ARPP21: variants seen among roughly 807,000 people sequenced by gnomAD.
ARPP21 encodes the protein cAMP regulated phosphoprotein 21.
A neutral mutation model predicts 113.2 loss-of-function variants in ARPP21; 69 were observed. That is an observed-to-expected ratio of 0.61 (90% CI 0.50 to 0.74). The LOEUF (loss-of-function observed/expected upper bound fraction) is 0.74. Among genes scored for constraint, ARPP21 ranks in the 30% least tolerant of loss-of-function variants. The pLI is 0.00. For synonymous variants in ARPP21, 368 were observed against 375.5 expected, an observed-to-expected ratio of 0.98 and a Z score of 0.23; for missense variants, 1,070 against 1,037.4, an observed-to-expected ratio of 1.03 and a Z score of -0.43.
chr3:35,649,995 T>C (rs534762395), intron 1 of ARPP21, among the ~76,000 whole-genome samples: 1 of 152,212 alleles, frequency 6.6e-6, no homozygotes, highest in South Asian at 2.1e-4. Context: ...TGAACTTCCA[T>C]TCACCCATCC....
intron 19 of ARPP21, among the ~76,000 whole-genome samples, chr3:35,786,334 C>T (rs2096632078): frequency 6.6e-6 from 1 of 151,968 alleles, no homozygotes; most frequent in African/African-American, 2.4e-5. Context: ...CCATCCTGGC[C>T]AACATGGTGA....
At chr3:35,641,835 C>A (rs1366464550) in intron 1 of ARPP21, 1 of 152,080 alleles carries the variant, frequency 6.6e-6, no homozygotes, top group Non-Finnish European at 1.5e-5. Context: ...TTCCTCATTA[C>A]AAAAGATATG....
At chr3:35,784,223 T>G (rs1220140756) in intron 19 of ARPP21, among the ~76,000 whole-genome samples, 1 of 152,208 alleles carries the variant, frequency 6.6e-6, no homozygotes, top group Non-Finnish European at 1.5e-5. Context: ...AAAATGTACA[T>G]GAACTGAAAA....
At chr3:35,706,618 T>C (rs1341942679) in intron 9 of ARPP21, among the ~76,000 whole-genome samples, 1 of 152,258 alleles carries the variant, frequency 6.6e-6, no homozygotes, top group African/African-American at 2.4e-5. Flanking sequence ...TCTAAACATG[T>C]ATATTTGTTT....
intron 1 of ARPP21, among the ~76,000 whole-genome samples, chr3:35,648,892 A>C (rs1023758660): frequency 3.3e-5 from 5 of 152,214 alleles, no homozygotes. Context: ...ATAAATTTAT[A>C]TTTCTTTGCT....
At chr3:35,662,105 G>A (rs1708100860) in intron 1 of ARPP21, among the ~76,000 whole-genome samples, 1 of 152,246 alleles carries the variant, frequency 6.6e-6, no homozygotes, top group Middle Eastern at 3.4e-3. Flanking sequence ...TGAGATTTCA[G>A]GTGTAGAAGA....
chr3:35,700,132 G>C (rs1256874778), intron 9 of ARPP21, among the ~76,000 whole-genome samples: 3 of 151,666 alleles, frequency 2.0e-5, no homozygotes, highest in African/African-American at 7.3e-5. Flanking sequence ...ACATGATTGT[G>C]CATGTACGTA....
At chr3:35,749,781 T>A (rs1021018561) in intron 19 of ARPP21, among the ~76,000 whole-genome samples, 1 of 152,242 alleles carries the variant, frequency 6.6e-6, no homozygotes, top group African/African-American at 2.4e-5. Flanking sequence ...CTTTGCTTAG[T>A]TTGGGTAGTT....
intron 19 of ARPP21, among the ~76,000 whole-genome samples, chr3:35,783,893 GC>G (rs1227278161): frequency 6.6e-6 from 1 of 151,962 alleles, no homozygotes; most frequent in African/African-American, 2.4e-5. Context: ...TTATGTTTAT[GC>G]CTCTTTTATT....
chr3:35,689,967 T>C (rs990989436), intron 7 of ARPP21, 114 bp from the exon 8 acceptor site: 1 of 624,100 alleles, frequency 1.6e-6, no homozygotes, highest in Admixed American at 2.6e-5. Flanking sequence ...GAGTTAGGTA[T>C]AAGTTTGTAG....
intron 9 of ARPP21, among the ~76,000 whole-genome samples, chr3:35,699,392 G>C (rs922473153): frequency 1.3e-5 from 2 of 151,548 alleles, no homozygotes; most frequent in South Asian, 4.1e-4. Context: ...ACTTTGGGAA[G>C]TTTTAGAGAA....
At chr3:35,665,990 G>T (rs9832763) in intron 1 of ARPP21, among the ~76,000 whole-genome samples, 68,123 of 151,752 alleles carry the variant, frequency 0.45, 15,480 homozygotes, top group East Asian at 0.56. Context: ...GCTCAACTGG[G>T]CTGTGCCCAT....
chr3:35,693,551 T>C (rs959814021), intron 9 of ARPP21, among the ~76,000 whole-genome samples: 2 of 151,708 alleles, frequency 1.3e-5, no homozygotes, highest in Admixed American at 6.6e-5. Flanking sequence ...TTGTCAGCAA[T>C]TTTAGTGAAA....
intron 19 of ARPP21, among the ~76,000 whole-genome samples, chr3:35,782,428 G>A (rs886906357): frequency 6.6e-6 from 1 of 152,044 alleles, no homozygotes; most frequent in Non-Finnish European, 1.5e-5. Context: ...AAGTTATCTT[G>A]GGTAGCTTCT....
At chr3:35,776,420 C>A (rs1199945026) in intron 19 of ARPP21, among the ~76,000 whole-genome samples, 1 of 152,068 alleles carries the variant, frequency 6.6e-6, no homozygotes. Flanking sequence ...AGCAGCTGGC[C>A]AGGGAAAGCA....
In ARPP21 at chr3:35,721,667, T is replaced by C. The variant is rs2093085946; in HGVS notation, c.1058T>C (p.Leu353Pro). 6.2e-7 allele frequency: 1 copy of C among 1,613,760 alleles called. No homozygotes were observed. Among genetic ancestry groups the C allele is most frequent in the African/African-American group, 1.3e-5 (1 of 74,846 alleles). Residue 353 changes from leucine to proline, a missense_variant, in exon 14 of 21, where the codon CTC (leucine) becomes CCC (proline). Leu to Pro is a moderately conservative substitution (Grantham distance 98, BLOSUM62 -3). Transcript: ENST00000684406. ...CGACAGAGCAGCTCAGAAAATGAAC[T>C]CAAGTGGTCTGACCACCAAAGGGCC... ...GSRQSSSENE[L>P]KWSDHQRAWS...
chr3:35,698,014 A>G (rs1266339217), intron 9 of ARPP21, among the ~76,000 whole-genome samples: 1 of 151,614 alleles, frequency 6.6e-6, no homozygotes, highest in Non-Finnish European at 1.5e-5. Context: ...TAAACATGGT[A>G]AATTTACTCT....
rs5847899 is a variant in ARPP21, at chr3:35,785,509, TAAAGAAAG to T, written c.2138-6849_2138-6842del. 2.7e-3 allele frequency among the ~76,000 whole-genome samples: 411 copies of T among 150,430 alleles called. 1 individual carries two copies. The highest frequency in any genetic ancestry group is 7.2e-3 in the African/African-American group (294 of 40,706). On this transcript the variant is annotated intron_variant, in intron 19 of 20. Coordinates refer to ENST00000684406, the MANE Select transcript of ARPP21 (RefSeq NM_001385562.1). Reference sequence around the variant, plus strand: ...AATGTGTCTCATGTTTGCCCTGATTTAAAGAAAGAAAGAAAGAAAGAAAGAAAGAAAAC... The same window carrying T: ...AATGTGTCTCATGTTTGCCCTGATTTAAAGAAAGAAAGAAAGAAAGAAAAC...
intron 10 of ARPP21, 150 bp from the exon 11 acceptor site, chr3:35,708,819 A>G (rs1310509194): frequency 3.1e-6 from 2 of 636,210 alleles, no homozygotes; most frequent in African/African-American, 3.7e-5. Context: ...CATGCACCCA[A>G]CACAGCCTCC....
Sources: allele counts gnomAD v4.1 joint callset (sites outside exome capture counted in the v4.1 genomes callset), GRCh38; gene constraint gnomAD v4.1.1; transcripts MANE v1.5; gene names NCBI Gene and HGNC (gene_info 2026-07-23, HGNC 2026-07-21).